CFAP46: variants seen among roughly 807,000 people sequenced by gnomAD.
CFAP46 encodes cilia- and flagella-associated protein 46.
In CFAP46, 245 loss-of-function variants were observed where a neutral mutation model predicts 325.7. The observed-to-expected ratio is 0.75, with a 90% CI of 0.68 to 0.84. The LOEUF (loss-of-function observed/expected upper bound fraction) is 0.84, where lower values mean the gene tolerates loss of function less well. CFAP46 is among the 40% of genes least tolerant of loss of function. The pLI is 0.00. For missense variants in CFAP46, 3,346 were observed against 3,543.0 expected (o/e 0.94, Z 1.41); for synonymous variants, 1,523 against 1,495.9 (o/e 1.02, Z -0.42).
chr10:132,826,699 AGGCAGGAGCCG>A lies in CFAP46; in HGVS notation c.7117+6648_7117+6658del, dbSNP rs1348593598. ...AGCCACGGAGACCAGCCACGGAGCC[AGGCAGGAGCCG>A]GAGCCACAGAGACCAGCCACGGAGC... On this transcript the variant is annotated intron_variant, in intron 50 of 57. Transcript: ENST00000368586. Among the ~76,000 whole-genome samples the A allele has an allele frequency of 2.7e-5, 4 of 149,618 alleles. No homozygotes were observed. In the Admixed American group the frequency reaches 2.8e-4, roughly 10 times the overall value.
Position 132,847,339 on chromosome 10 carries a change from G to T in CFAP46, c.5953-18C>A. The T allele has an allele frequency of 1.9e-6, 3 of 1,613,058 alleles. No individual in the cohort carries two copies. Among genetic ancestry groups the T allele is most frequent in the Non-Finnish European group, 2.5e-6 (3 of 1,179,634 alleles). ...GCGCCCACCTGTGACACACATTGCAGGTTGGCAGACACTTCTGGGTTCCTG... is the reference window on the plus strand; with the variant it reads ...GCGCCCACCTGTGACACACATTGCATGTTGGCAGACACTTCTGGGTTCCTG... On this transcript the variant is annotated intron_variant, in intron 41 of 57. Transcript: ENST00000368586. This position sits in a 1 kb window ranked among gnomAD's most constrained non-coding sequence, Gnocchi z 5.2.
chr10:132,878,307 C>T (rs1221914221), intron 29 of CFAP46, among the ~76,000 whole-genome samples: 2 of 152,176 alleles, frequency 1.3e-5, no homozygotes, highest in African/African-American at 2.4e-5. Context: ...AGGGACATGC[C>T]CGTGAGCCTG....
intron 27 of CFAP46, among the ~76,000 whole-genome samples, chr10:132,883,377 C>T (rs1849075192): frequency 6.6e-6 from 1 of 152,260 alleles, no homozygotes; most frequent in Non-Finnish European, 1.5e-5. Flanking sequence ...TGGGAATATG[C>T]ACCCCATCAT....
At position 132,851,292 on chromosome 10, in the gene CFAP46, T is replaced by C; in HGVS notation, c.5588A>G (p.Asn1863Ser). The change falls in exon 40 of 58, where the codon AAC becomes AGC. Residue 1863 changes from asparagine to serine, a missense_variant. Coordinates refer to ENST00000368586, the MANE Select transcript of CFAP46 (RefSeq NM_001200049.3). The part of the protein sequence containing the change: ...LLSLQDLQNV[N>S]TPLMRKLARL... Reference sequence around the variant, plus strand: ...CGCCAGCTTCCTCATCAGGGGCGTGTTGACGTTCTGCAACTGAGGGGGTCA... The same window carrying C: ...CGCCAGCTTCCTCATCAGGGGCGTGCTGACGTTCTGCAACTGAGGGGGTCA... 3.1e-6 allele frequency: 5 copies of C among 1,613,738 alleles called. No homozygotes were observed. Among genetic ancestry groups the C allele is most frequent in the South Asian group, 1.1e-5 (1 of 91,062 alleles).
intron 46 of CFAP46, among the ~76,000 whole-genome samples, chr10:132,835,846 C>CG (rs373202785): frequency 1.3e-4 from 20 of 148,320 alleles, no homozygotes; most frequent in African/African-American, 5.0e-4. Flanking sequence ...CTCCCGCCCC[C>CG]GCTCCCCTCC....
intron 35 of CFAP46, 104 bp from the exon 36 acceptor site, chr10:132,861,086 G>T: frequency 8.8e-7 from 1 of 1,133,350 alleles, no homozygotes; most frequent in Non-Finnish European, 1.3e-6. Flanking sequence ...GAGAGGCAGA[G>T]ACAGACAGAC....
intron 40 of CFAP46, among the ~76,000 whole-genome samples, chr10:132,850,750 C>T (rs370739697): frequency 6.6e-6 from 1 of 152,194 alleles, no homozygotes; most frequent in Non-Finnish European, 1.5e-5. Context: ...GTATATTTCC[C>T]TCAAAACATT....
At chr10:132,912,222 T>TTCTCCTCTCTC (rs777643290) in intron 19 of CFAP46, among the ~76,000 whole-genome samples, 29,161 of 103,228 alleles carry the variant, frequency 0.28, 6,348 homozygotes, top group Admixed American at 0.42. Context: ...CTCCTCTCTC[T>TTCTCCTCTCTC]TCTCCTCTCT....
chr10:132,930,115 C>T (rs1325467781), intron 8 of CFAP46, among the ~76,000 whole-genome samples: 1 of 152,124 alleles, frequency 6.6e-6, no homozygotes, highest in African/African-American at 2.4e-5. Context: ...AGGAGAAGCA[C>T]AGGGATGACG....
chr10:132,810,782 C>G, intron 56 of CFAP46, 168 bp downstream of exon 56: 3 of 758,102 alleles, frequency 4.0e-6, no homozygotes, highest in Non-Finnish European at 6.9e-6. Context: ...CCCCCCTCCC[C>G]ATGCACAGCC....
At chr10:132,888,805 A>G (rs113142863) in intron 25 of CFAP46, among the ~76,000 whole-genome samples, 19 of 22,396 alleles carry the variant, frequency 8.5e-4, no homozygotes, top group Admixed American at 3.4e-3. Flanking sequence ...TGCACCTGCC[A>G]CCTTCACCCC....
chr10:132,899,559 G>A lies in CFAP46; in HGVS notation c.3032C>T (p.Ala1011Val). ...KGRKQLRLVA[A>V]KAFTESARFG... is the part of the protein sequence containing the mutation. ...CCTGGCGCTCTCCGTGAAGGCCTTG[G>A]CTGCCACCAGTCGCAGCTGCTTCCG... Residue 1011 changes from alanine (A) to valine (V), a missense_variant, in exon 23 of 58, where the codon GCC becomes GTC. By Grantham distance (64) the Ala-to-Val change is moderately conservative. Coordinates refer to ENST00000368586, the MANE Select transcript of CFAP46 (RefSeq NM_001200049.3). The A allele has an allele frequency of 6.5e-7, 1 of 1,549,164 alleles. No individual in the cohort carries two copies. Among genetic ancestry groups the A allele is most frequent in the Non-Finnish European group, 8.7e-7 (1 of 1,146,834 alleles).
In CFAP46 at chr10:132,869,445, G is replaced by T; in HGVS notation, c.4512-73C>A. 1 of 1,121,812 alleles carries T rather than the reference G, an allele frequency of 8.9e-7. No individual in the cohort carries two copies. Among genetic ancestry groups the T allele is most frequent in the Non-Finnish European group, 1.2e-6 (1 of 821,708 alleles). The allele number at this position is 1,121,812 out of a possible 1,614,324, so 69.5% of individuals were successfully genotyped here. On this transcript the variant is annotated intron_variant, in intron 32 of 57. Coordinates refer to ENST00000368586, the MANE Select transcript of CFAP46 (RefSeq NM_001200049.3). This position sits in a 1 kb window ranked among gnomAD's most constrained non-coding sequence, Gnocchi z 6.2. Reference sequence around the variant, plus strand: ...GAGCCAGAAACGAAGCTACTAGTGTGCTTCACAGAAAACGGTCAACTAACA... The same window carrying T: ...GAGCCAGAAACGAAGCTACTAGTGTTCTTCACAGAAAACGGTCAACTAACA...
chr10:132,896,112 T>C lies in CFAP46; in HGVS notation c.3219+2847A>G, dbSNP rs11146565. Among the ~76,000 whole-genome samples, 191 of 55,614 alleles carry C rather than the reference T, an allele frequency of 3.4e-3. 31 individuals are homozygous for C. Among genetic ancestry groups the C allele is most frequent in the South Asian group, 0.014 (17 of 1,222 alleles). 36.5% of individuals were successfully genotyped at this position (55,614 alleles called of 152,430 possible). On this transcript the variant is annotated intron_variant, in intron 24 of 57. Transcript: ENST00000368586. ...AGGCTCTGTGTGCCACATGAAGACATGGTGAGAAGGCAGCCAGGCTCTGTG... is the reference window on the plus strand; with the variant it reads ...AGGCTCTGTGTGCCACATGAAGACACGGTGAGAAGGCAGCCAGGCTCTGTG...
chr10:132,941,841 CCCATCCT>C, intron 2 of CFAP46, 119 bp from the exon 3 acceptor site: 1 of 1,533,168 alleles, frequency 6.5e-7, no homozygotes, highest in Non-Finnish European at 8.8e-7. Context: ...TGTTTCCAGC[CCCATCCT>C]CCATCCTGGC....
At chr10:132,910,420 CCGAA>C (rs1849524577) in intron 19 of CFAP46, among the ~76,000 whole-genome samples, 1 of 152,238 alleles carries the variant, frequency 6.6e-6, no homozygotes, top group South Asian at 2.1e-4. Context: ...GGACGGAGCC[CCGAA>C]AGTGGGGGCG....
chr10:132,833,214 T>C lies in CFAP46; in HGVS notation c.7117+144A>G, dbSNP rs957795972. The C allele has an allele frequency of 1.3e-5, 11 of 839,358 alleles. No individual in the cohort carries two copies. In the East Asian group the frequency reaches 3.0e-4, roughly 23 times the overall value. 52.0% of individuals were successfully genotyped at this position (839,358 alleles called of 1,614,324 possible). ...GGTGAGTATTTATATCCTACAAATATCTTTGAATGAATAAATGCCTAGAAA... is the reference window on the plus strand; with the variant it reads ...GGTGAGTATTTATATCCTACAAATACCTTTGAATGAATAAATGCCTAGAAA... On this transcript the variant is annotated intron_variant, in intron 50 of 57. Coordinates refer to ENST00000368586, the MANE Select transcript of CFAP46 (RefSeq NM_001200049.3).
rs755273279 is a variant in CFAP46, at chr10:132,922,477, C to T, written c.1485+3G>A. On this transcript the variant is annotated splice_donor_region_variant and intron_variant, in intron 12 of 57. Coordinates refer to ENST00000368586, the MANE Select transcript of CFAP46 (RefSeq NM_001200049.3). ...AGCCTCCCTCACTTCCCCGGGGCGG[C>T]ACCTGCTCAACGGCCATGATGGCCT... 5.9e-6 allele frequency: 9 copies of T among 1,529,388 alleles called. No homozygotes were observed. The African/African-American group carries it at 1.2e-4, about 21-fold the overall frequency. The allele number at this position is 1,529,388 out of a possible 1,614,324, so 94.7% of individuals were successfully genotyped here.
intron 22 of CFAP46, among the ~76,000 whole-genome samples, chr10:132,902,373 C>T (rs191817528): frequency 5.9e-5 from 9 of 152,300 alleles, no homozygotes; most frequent in African/African-American, 9.6e-5. Flanking sequence ...GTCCACTGGC[C>T]TGGATTCGAA....
Sources: allele counts gnomAD v4.1 joint callset (sites outside exome capture counted in the v4.1 genomes callset), GRCh38; gene constraint gnomAD v4.1.1; non-coding constraint Gnocchi (gnomAD v3.1); transcripts MANE v1.5; gene names NCBI Gene and HGNC (gene_info 2026-07-23, HGNC 2026-07-21).